The following CES5A variants were observed in gnomAD, a reference collection of about 807,000 sequenced individuals.
The protein encoded by CES5A is carboxylesterase 5A.
In CES5A, 67 loss-of-function variants were observed where a neutral mutation model predicts 62.9. The ratio of observed to expected loss-of-function variants is 1.07; its 90% CI spans 0.88 to 1.31. CES5A has a LOEUF of 1.31. Among genes scored for constraint, CES5A ranks in the 50% most tolerant of loss-of-function variants. The pLI is 0.00. For missense variants in CES5A, 748 were observed against 708.5 expected, an observed-to-expected ratio of 1.06 and a Z score of -0.63; for synonymous variants, 296 against 280.8, an observed-to-expected ratio of 1.05 and a Z score of -0.54.
intron 1 of CES5A, among the ~76,000 whole-genome samples, chr16:55,890,372 T>TA (rs77278024): frequency 0.71 from 107,724 of 151,174 alleles, 38,307 homozygotes; most frequent in Non-Finnish European, 0.73. Flanking sequence ...GGGCTTGAAT[T>TA]TTTTTTTTTT....
At chr16:55,908,352 T>TTTGC (rs139752572) in intron 1 of CES5A, among the ~76,000 whole-genome samples, 2 of 151,668 alleles carry the variant, frequency 1.3e-5, no homozygotes, top group Admixed American at 6.6e-5. Context: ...TTGTTGTTTG[T>TTTGC]TTGTTTGTTT....
chr16:55,922,492 A>G (rs1375455375), intron 1 of CES5A, among the ~76,000 whole-genome samples: 2 of 151,988 alleles, frequency 1.3e-5, no homozygotes, highest in African/African-American at 2.4e-5. Flanking sequence ...GCAAAACGAT[A>G]TAACAATTAT....
At chr16:55,862,213 A>G (rs2033366104) in intron 6 of CES5A, among the ~76,000 whole-genome samples, 2 of 151,752 alleles carry the variant, frequency 1.3e-5, no homozygotes, top group South Asian at 4.2e-4. Context: ...TTGTCACTGA[A>G]CCTCCATATT....
At chr16:55,951,833 A>G (rs1390436617) in intron 1 of CES5A, among the ~76,000 whole-genome samples, 2 of 152,212 alleles carry the variant, frequency 1.3e-5, no homozygotes, top group East Asian at 3.8e-4. Flanking sequence ...GAAAGTGTTA[A>G]TCTACAATCA....
At chr16:55,871,809 A>G (rs746388180) in intron 2 of CES5A, 46 bp from the exon 3 acceptor site, 5 of 1,605,300 alleles carry the variant, frequency 3.1e-6, no homozygotes, top group Non-Finnish European at 4.3e-6. Context: ...TTATCAGCAA[A>G]CTTGCCTGGG....
At chr16:55,943,201 T>C (rs1208533347) in intron 2 of CES5A, among the ~76,000 whole-genome samples, 3 of 152,250 alleles carry the variant, frequency 2.0e-5, no homozygotes, top group Non-Finnish European at 4.4e-5. Context: ...TTTATAAATG[T>C]AGCACTTTAT....
intron 1 of CES5A, among the ~76,000 whole-genome samples, chr16:55,885,854 C>G (rs183152548): frequency 3.3e-5 from 5 of 152,308 alleles, no homozygotes; most frequent in Admixed American, 2.0e-4. Flanking sequence ...CCAGAGCCGC[C>G]CATTATGAGC....
At chr16:55,873,733 C>G in intron 2 of CES5A, 100 bp downstream of exon 2, 1 of 1,077,236 alleles carries the variant, frequency 9.3e-7, no homozygotes, top group Non-Finnish European at 1.4e-6. Context: ...CCTCCTCCCC[C>G]ATCCATGCCA....
intron 1 of CES5A, among the ~76,000 whole-genome samples, chr16:55,918,039 G>A (rs142401941): frequency 6.6e-6 from 1 of 152,346 alleles, no homozygotes; most frequent in East Asian, 1.9e-4. Context: ...AAAGTAGGAA[G>A]TGAAGCAGCA....
chr16:55,955,801 G>A, intron 1 of CES5A: 3 of 1,529,256 alleles, frequency 2.0e-6, no homozygotes, highest in Non-Finnish European at 2.6e-6. Context: ...CAGTGGGTTT[G>A]GGGGTGGGGT....
intron 8 of CES5A, among the ~76,000 whole-genome samples, chr16:55,858,996 T>C (rs1233613502): frequency 6.6e-6 from 1 of 152,206 alleles, no homozygotes; most frequent in Non-Finnish European, 1.5e-5. Context: ...TCGTGTCTTA[T>C]CTGTCTCTCC....
intron 1 of CES5A, among the ~76,000 whole-genome samples, chr16:55,911,668 T>G (rs541020587): frequency 1.3e-5 from 2 of 152,230 alleles, no homozygotes; most frequent in Non-Finnish European, 2.9e-5. Flanking sequence ...ATTCTGTTTT[T>G]TATTCCCATA....
chr16:55,866,089 G>C lies in CES5A; in HGVS notation c.579C>G (p.Asn193Lys). 6.2e-7 allele frequency: 1 copy of C among 1,613,820 alleles called. No individual in the cohort carries two copies. The highest frequency in any genetic ancestry group is 1.3e-5 in the African/African-American group (1 of 75,052). The change falls in exon 5 of 13, where the codon AAC becomes AAG. Residue 193 changes from asparagine to lysine, a missense_variant. Transcript: ENST00000290567. Reference sequence around the variant, plus strand: ...CAGCCACCTGGTCCTTGAAGGCCCAGTTCCCCGGAGCATGCTGATCCCATG... The same window carrying C: ...CAGCCACCTGGTCCTTGAAGGCCCACTTCCCCGGAGCATGCTGATCCCATG... ...FTTWDQHAPG[N>K]WAFKDQVAAL... is the part of the protein sequence containing the mutation.
chr16:55,938,071 A>G (rs1287427526), intron 2 of CES5A, among the ~76,000 whole-genome samples: 5 of 152,220 alleles, frequency 3.3e-5, no homozygotes. Context: ...GAGTTCCACG[A>G]GTGAATAAGC....
intron 2 of CES5A, among the ~76,000 whole-genome samples, chr16:55,945,691 GA>G (rs2034487886): frequency 6.6e-6 from 1 of 152,206 alleles, no homozygotes; most frequent in Admixed American, 6.5e-5. Flanking sequence ...GGTCTTTCTT[GA>G]AAGTATGGAA....
intron 1 of CES5A, among the ~76,000 whole-genome samples, chr16:55,916,571 A>T (rs2034150499): frequency 6.6e-6 from 1 of 152,206 alleles, no homozygotes; most frequent in African/African-American, 2.4e-5. Flanking sequence ...AATAGGATTT[A>T]AACCACATGA....
chr16:55,900,102 C>G (rs1007259892), intron 1 of CES5A, among the ~76,000 whole-genome samples: 1 of 152,094 alleles, frequency 6.6e-6, no homozygotes, highest in East Asian at 1.9e-4. Context: ...CCCCCTTCAT[C>G]CCTAGGGACC....
At chr16:55,896,124 A>G (rs185123337) in intron 1 of CES5A, among the ~76,000 whole-genome samples, 1 of 152,312 alleles carries the variant, frequency 6.6e-6, no homozygotes, top group African/African-American at 2.4e-5. Flanking sequence ...AATCATGGTA[A>G]AAGGTGAATG....
At position 55,859,706 on chromosome 16, in the gene CES5A, A is replaced by G; in HGVS notation, c.916-19T>C. The G allele has an allele frequency of 6.3e-7, 1 of 1,592,264 alleles. No homozygotes were observed. The highest frequency in any genetic ancestry group is 8.5e-7 in the Non-Finnish European group (1 of 1,172,446). Reference sequence around the variant, plus strand: ...TTGTTTTCTGTAATAAGGAAGAAAAAAAAATCATCAGCTATCATCAGCTAT... The same window carrying G: ...TTGTTTTCTGTAATAAGGAAGAAAAGAAAATCATCAGCTATCATCAGCTAT... On this transcript the variant is annotated intron_variant, in intron 7 of 12. Coordinates refer to ENST00000290567, the MANE Select transcript of CES5A (RefSeq NM_001143685.2).
Sources: allele counts gnomAD v4.1 joint callset (sites outside exome capture counted in the v4.1 genomes callset), GRCh38; gene constraint gnomAD v4.1.1; transcripts MANE v1.5; gene names NCBI Gene and HGNC (gene_info 2026-07-23, HGNC 2026-07-21).